The following WDR7 variants were observed in gnomAD, a reference collection of about 807,000 sequenced individuals.
WDR7 encodes WD repeat-containing protein 7.
In WDR7, 46 loss-of-function variants were observed where a neutral mutation model predicts 169.4. The observed-to-expected ratio is 0.27, with a 90% CI of 0.21 to 0.35. The LOEUF (loss-of-function observed/expected upper bound fraction) is 0.35, where lower values mean the gene tolerates loss of function less well. Ranked by LOEUF, WDR7 falls within the 10% of genes least tolerant of loss-of-function variation. The pLI is 1.00. For missense variants in WDR7, 1,534 were observed against 1,859.3 expected (o/e 0.83, Z 3.22); for synonymous variants, 612 against 666.8 (o/e 0.92, Z 1.27).
chr18:56,961,195 G>A (rs9957775), intron 25 of WDR7, among the ~76,000 whole-genome samples: 9,626 of 152,068 alleles, frequency 0.063, 946 homozygotes, highest in African/African-American at 0.21. Flanking sequence ...GAATATCCCT[G>A]GTTTCAGAAT....
chr18:56,956,476 C>A (rs1260164564), intron 25 of WDR7, among the ~76,000 whole-genome samples: 2 of 152,134 alleles, frequency 1.3e-5, no homozygotes, highest in South Asian at 2.1e-4. Flanking sequence ...TCTCTGAGAA[C>A]CTACCCTTGA....
chr18:56,987,973 C>G (rs1019663620), intron 26 of WDR7, among the ~76,000 whole-genome samples: 1 of 152,188 alleles, frequency 6.6e-6, no homozygotes, highest in East Asian at 1.9e-4. Flanking sequence ...AATATCATGT[C>G]TCCTGGAAAA....
At chr18:56,830,696 T>C (rs2045293701) in intron 20 of WDR7, among the ~76,000 whole-genome samples, 1 of 152,238 alleles carries the variant, frequency 6.6e-6, no homozygotes, top group Admixed American at 6.5e-5. Flanking sequence ...TCAGCGGGTC[T>C]GGCTTGCTGT....
At chr18:56,927,876 C>G (rs1194618761) in intron 22 of WDR7, among the ~76,000 whole-genome samples, 2 of 152,138 alleles carry the variant, frequency 1.3e-5, no homozygotes, top group South Asian at 4.1e-4. Flanking sequence ...AAGACAAGAT[C>G]TGCCCCAAAA....
chr18:56,695,025 A>G lies in WDR7; in HGVS notation c.1184A>G (p.Asp395Gly). ...AATCCTTGTCCTGCTGGAATTATAG[A>G]TCAGCTGAGTGTGATTCCCAATAGT... ...KLNPCPAGII[D>G]QLSVIPNSNE... Residue 395 changes from aspartate to glycine, a missense_variant, in exon 11 of 28, where the codon GAT (aspartate) becomes GGT (glycine). Transcript: ENST00000254442. The G allele has an allele frequency of 1.2e-6, 2 of 1,614,194 alleles. No individual in the cohort carries two copies. The highest frequency in any genetic ancestry group is 1.1e-5 in the South Asian group (1 of 91,086).
intron 16 of WDR7, among the ~76,000 whole-genome samples, chr18:56,772,822 T>C (rs73434851): frequency 1.4e-3 from 211 of 152,144 alleles, no homozygotes; most frequent in African/African-American, 4.9e-3. Flanking sequence ...TCTTCCACAG[T>C]ATTGGTGGAA....
At chr18:56,845,279 G>A (rs11659890) in intron 20 of WDR7, among the ~76,000 whole-genome samples, 38,473 of 151,922 alleles carry the variant, frequency 0.25, 5,658 homozygotes, top group Non-Finnish European at 0.34. Context: ...GCAAAGCTCT[G>A]TAGTGTTTCT....
chr18:56,869,151 C>T (rs1460363607), intron 20 of WDR7, among the ~76,000 whole-genome samples: 1 of 152,040 alleles, frequency 6.6e-6, no homozygotes, highest in African/African-American at 2.4e-5. Flanking sequence ...ATTGACACAC[C>T]TTCAGAGGAG....
At chr18:56,935,151 C>T (rs1244628443) in intron 22 of WDR7, among the ~76,000 whole-genome samples, 1 of 152,122 alleles carries the variant, frequency 6.6e-6, no homozygotes, top group Non-Finnish European at 1.5e-5. Flanking sequence ...CATGCTATCC[C>T]TTCTTTATAT....
chr18:56,763,840 A>T (rs1178556559), intron 16 of WDR7, among the ~76,000 whole-genome samples: 2 of 152,192 alleles, frequency 1.3e-5, no homozygotes, highest in Non-Finnish European at 2.9e-5. Context: ...TTTATCAGCA[A>T]AAAGTTGTGT....
rs565703546 is a variant in WDR7 at position 56,782,191 on chromosome 18, T to G, written c.3190+535T>G. 6 of 152,230 alleles carry G rather than the reference T, an allele frequency of 3.9e-5. No homozygotes were observed. The East Asian group carries it at 5.8e-4, about 15-fold the overall frequency. 9.4% of individuals were successfully genotyped at this position (152,230 alleles called of 1,614,324 possible). On this transcript the variant is annotated intron_variant, in intron 19 of 27. Coordinates refer to ENST00000254442, the MANE Select transcript of WDR7 (RefSeq NM_015285.3). ...GATTAGAAAAATTGTTGAAATTTTT[T>G]GAATATTCTTTTGCAAAATAAAAGC... is the stretch of plus-strand genomic sequence containing the variant.
At chr18:56,711,390 C>G (rs191211606) in intron 12 of WDR7, among the ~76,000 whole-genome samples, 7 of 152,124 alleles carry the variant, frequency 4.6e-5, no homozygotes, top group African/African-American at 1.4e-4. Context: ...CTGCTCCTCT[C>G]TAAGCTATCA....
chr18:56,840,309 A>T (rs1484745622), intron 20 of WDR7, among the ~76,000 whole-genome samples: 1 of 152,166 alleles, frequency 6.6e-6, no homozygotes, highest in Non-Finnish European at 1.5e-5. Flanking sequence ...GAAAATTATG[A>T]TTGAACCAAA....
intron 18 of WDR7, among the ~76,000 whole-genome samples, chr18:56,780,561 G>A (rs542178316): frequency 3.2e-4 from 49 of 152,266 alleles, no homozygotes; most frequent in African/African-American, 1.1e-3. Flanking sequence ...GGTCATGCCT[G>A]TAATCCCAAC....
chr18:56,952,693 C>T (rs1487872498), intron 25 of WDR7, among the ~76,000 whole-genome samples: 1 of 152,108 alleles, frequency 6.6e-6, no homozygotes, highest in African/African-American at 2.4e-5. Context: ...GGAAACCAAA[C>T]GGATAGTTTT....
At chr18:56,830,463 G>A (rs564484073) in intron 20 of WDR7, among the ~76,000 whole-genome samples, 13 of 152,224 alleles carry the variant, frequency 8.5e-5, no homozygotes, top group South Asian at 8.3e-4. Flanking sequence ...TAGGAATTAG[G>A]GAAGAGGACT....
intron 19 of WDR7, among the ~76,000 whole-genome samples, chr18:56,813,412 AG>A (rs2044909663): frequency 6.6e-6 from 1 of 151,908 alleles, no homozygotes; most frequent in South Asian, 2.1e-4. Flanking sequence ...GTAGGCTTTT[AG>A]TAGATGCTGT....
rs1380234263 is a variant in WDR7 at position 57,027,379 on chromosome 18, C to T, written c.*172C>T. 1.4e-5 allele frequency: 11 copies of T among 763,948 alleles called. No homozygotes were observed. Among genetic ancestry groups the T allele is most frequent in the Admixed American group, 1.1e-4 (4 of 34,936 alleles). 47.3% of individuals were successfully genotyped at this position (763,948 alleles called of 1,614,324 possible). A position where few individuals can be genotyped will look rare whatever the true frequency, so the allele number is the denominator to read the frequency against. ...ATGCTTCTCAGGGGCAGAACCCGCT[C>T]GTGCCATCTGTCGATTCAGAGGCAC... On this transcript the variant is annotated 3_prime_UTR_variant, in exon 28 of 28. Transcript: ENST00000254442.
chr18:56,766,222 A>G (rs1203765844), intron 16 of WDR7, among the ~76,000 whole-genome samples: 1 of 151,988 alleles, frequency 6.6e-6, no homozygotes, highest in Non-Finnish European at 1.5e-5. Flanking sequence ...GGTTTTGAGC[A>G]GTTTGATTGT....
Sources: gnomAD v4.1 joint callset for allele counts (sites outside exome capture counted in the v4.1 genomes callset) on GRCh38, gnomAD v4.1.1 for gene constraint, MANE v1.5 for transcripts, NCBI Gene and HGNC (gene_info 2026-07-23, HGNC 2026-07-21) for gene names.